The following NR3C1 variants were observed in gnomAD, a reference collection of about 807,000 sequenced individuals.
NR3C1 encodes the protein glucocorticoid receptor.
In NR3C1, 14 loss-of-function variants were observed where a neutral mutation model predicts 74.0. The observed-to-expected ratio is 0.19, with a 90% CI of 0.12 to 0.30. NR3C1 has a LOEUF of 0.30. NR3C1 is among the 10% of genes least tolerant of loss of function. The pLI is 1.00. For missense variants in NR3C1, 695 were observed against 909.8 expected (o/e 0.76, Z 3.04); for synonymous variants, 308 against 332.5 (o/e 0.93, Z 0.80).
intron 1 of NR3C1, chr5:143,402,549 C>A: frequency 1.0e-6 from 1 of 965,980 alleles, no homozygotes; most frequent in Non-Finnish European, 1.2e-6. Context: ...CCTTGCGGGG[C>A]GGGGGTGGAG....
intron 2 of NR3C1, among the ~76,000 whole-genome samples, chr5:143,347,157 G>T (rs1829440137): frequency 6.6e-6 from 1 of 152,100 alleles, no homozygotes; most frequent in African/African-American, 2.4e-5. Context: ...GAATTCTTTT[G>T]CAATTATTGC....
intron 6 of NR3C1, among the ~76,000 whole-genome samples, chr5:143,297,506 A>AAAT (rs1423715610): frequency 6.6e-6 from 1 of 152,218 alleles, no homozygotes; most frequent in Admixed American, 6.5e-5. Context: ...CCCAGAAACT[A>AAAT]AATATATTTA....
chr5:143,363,079 A>G (rs1196591603), intron 2 of NR3C1, among the ~76,000 whole-genome samples: 1 of 152,198 alleles, frequency 6.6e-6, no homozygotes, highest in African/African-American at 2.4e-5. Flanking sequence ...TCCCTGGGTA[A>G]GAGTTCAAGG....
At chr5:143,333,231 C>G in intron 2 of NR3C1, 24 of 1,431,892 alleles carry the variant, frequency 1.7e-5, no homozygotes, top group Non-Finnish European at 1.9e-5. Flanking sequence ...CATCCGTCAG[C>G]TGAACTAGAC....
At chr5:143,287,170 AAAG>A (rs1254500481) in intron 7 of NR3C1, among the ~76,000 whole-genome samples, 19 of 152,118 alleles carry the variant, frequency 1.2e-4, no homozygotes, top group African/African-American at 4.1e-4. Flanking sequence ...AGCAAGCAGA[AAAG>A]AAGAAATAAT....
chr5:143,349,470 C>T (rs1160998089), intron 2 of NR3C1, among the ~76,000 whole-genome samples: 1 of 152,156 alleles, frequency 6.6e-6, no homozygotes, highest in Non-Finnish European at 1.5e-5. Context: ...CTCTCTTCCT[C>T]TCCAACTCTG....
At chr5:143,293,141 A>G (rs1157524899) in intron 7 of NR3C1, among the ~76,000 whole-genome samples, 13 of 152,204 alleles carry the variant, frequency 8.5e-5, no homozygotes, top group Non-Finnish European at 4.4e-5. Flanking sequence ...ATGCCCATCA[A>G]TCAACGAGTG....
intron 2 of NR3C1, among the ~76,000 whole-genome samples, chr5:143,330,394 TA>T (rs1825724588): frequency 1.3e-5 from 2 of 152,290 alleles, no homozygotes; most frequent in South Asian, 2.1e-4. Context: ...TAATAGTAAA[TA>T]ATATTTTCCT....
At chr5:143,363,194 A>G (rs1387978804) in intron 2 of NR3C1, among the ~76,000 whole-genome samples, 2 of 152,122 alleles carry the variant, frequency 1.3e-5, no homozygotes, top group Non-Finnish European at 2.9e-5. Flanking sequence ...CACTAAACTA[A>G]CAAACAGAGA....
intron 2 of NR3C1, among the ~76,000 whole-genome samples, chr5:143,349,015 G>A (rs576863141): frequency 6.6e-6 from 1 of 152,230 alleles, no homozygotes; most frequent in Admixed American, 6.5e-5. Flanking sequence ...ATTACATGTG[G>A]TAAAACTGAA....
At chr5:143,397,013 T>G (rs932900655) in intron 2 of NR3C1, among the ~76,000 whole-genome samples, 2 of 151,902 alleles carry the variant, frequency 1.3e-5, no homozygotes, top group African/African-American at 2.4e-5. Context: ...GAATAGATTT[T>G]GAGAATAAGG....
At chr5:143,374,218 T>A (rs181084730) in intron 2 of NR3C1, among the ~76,000 whole-genome samples, 2 of 151,566 alleles carry the variant, frequency 1.3e-5, no homozygotes, top group Non-Finnish European at 2.9e-5. Flanking sequence ...AAGGGCCGGG[T>A]GTGGTGGCTC....
intron 1 of NR3C1, among the ~76,000 whole-genome samples, chr5:143,417,082 C>T (rs1750944773): frequency 6.6e-6 from 1 of 152,052 alleles, no homozygotes; most frequent in Admixed American, 6.6e-5. Context: ...ACTCTACTTT[C>T]CATATTGATC....
chr5:143,426,779 G>A (rs1384466429), intron 1 of NR3C1, among the ~76,000 whole-genome samples: 2 of 152,184 alleles, frequency 1.3e-5, no homozygotes, highest in South Asian at 4.1e-4. Context: ...AAATATGTAC[G>A]AATTCTTGTG....
At chr5:143,344,325 A>C (rs911053709) in intron 2 of NR3C1, among the ~76,000 whole-genome samples, 1 of 152,232 alleles carries the variant, frequency 6.6e-6, no homozygotes, top group African/African-American at 2.4e-5. Context: ...GTGAAACCAA[A>C]CAACCACCAC....
intron 2 of NR3C1, chr5:143,332,700 C>T: frequency 4.5e-6 from 7 of 1,569,662 alleles, no homozygotes; most frequent in African/African-American, 1.3e-5. Context: ...TGACAAGGTG[C>T]GTCTCAGACG....
At chr5:143,361,257 G>A (rs1832183176) in intron 2 of NR3C1, among the ~76,000 whole-genome samples, 1 of 152,056 alleles carries the variant, frequency 6.6e-6, no homozygotes, top group African/African-American at 2.4e-5. Context: ...TGAAACCTTG[G>A]TCTGGATTAC....
Position 143,279,489 on chromosome 5 carries a change from G to GT in NR3C1, c.*2399dup, listed in dbSNP as rs958302565. 1 of 1,397,324 alleles carries GT rather than the reference G, an allele frequency of 7.2e-7. No individual in the cohort carries two copies. The highest frequency in any genetic ancestry group is 3.5e-5 in the Admixed American group (1 of 28,326). 86.6% of individuals were successfully genotyped at this position (1,397,324 alleles called of 1,614,324 possible). On this transcript the variant is annotated 3_prime_UTR_variant, in exon 9 of 9. Coordinates refer to ENST00000394464, the MANE Select transcript of NR3C1 (RefSeq NM_000176.3). Reference sequence around the variant, plus strand: ...TGTCATTGATAAGAATATTCAAGCAGTTTTCTTAGGCACCAAAAATTTATC... The same window carrying GT: ...TGTCATTGATAAGAATATTCAAGCAGTTTTTCTTAGGCACCAAAAATTTATC...
At chr5:143,328,256 G>A (rs1454384974) in intron 2 of NR3C1, among the ~76,000 whole-genome samples, 1 of 152,208 alleles carries the variant, frequency 6.6e-6, no homozygotes, top group South Asian at 2.1e-4. Flanking sequence ...GAGCATCAGG[G>A]ATGCAGGGCA....
Sources: allele counts gnomAD v4.1 joint callset (sites outside exome capture counted in the v4.1 genomes callset), GRCh38; gene constraint gnomAD v4.1.1; transcripts MANE v1.5; gene names NCBI Gene and HGNC (gene_info 2026-07-23, HGNC 2026-07-21).